The following OLFM3 variants were observed in gnomAD, a reference collection of about 807,000 sequenced individuals.
The protein encoded by OLFM3 is noelin-3.
OLFM3 carries 20 observed loss-of-function variants against 48.6 expected under a neutral mutation model. The ratio of observed to expected loss-of-function variants is 0.41; its 90% CI spans 0.29 to 0.60. OLFM3 has a LOEUF of 0.60. Among genes scored for constraint, OLFM3 ranks in the 20% least tolerant of loss-of-function variants. OLFM3 has a pLI of 0.28. For missense variants in OLFM3, 437 were observed against 544.3 expected (o/e 0.80, Z 1.96); for synonymous variants, 222 against 198.1 (o/e 1.12, Z -1.01).
intron 1 of OLFM3, among the ~76,000 whole-genome samples, chr1:101,986,318 G>C (rs566186044): frequency 6.6e-6 from 1 of 152,118 alleles, no homozygotes; most frequent in South Asian, 2.1e-4. Flanking sequence ...CCTACCAAAA[G>C]TATAAGAGCA....
chr1:101,839,360 G>A (rs1655595364), intron 1 of OLFM3, among the ~76,000 whole-genome samples: 3 of 152,092 alleles, frequency 2.0e-5, no homozygotes, highest in Admixed American at 6.6e-5. Context: ...TTTTTAAAAT[G>A]CAGACTACCC....
intron 1 of OLFM3, among the ~76,000 whole-genome samples, chr1:101,883,427 T>C (rs1270175931): frequency 6.6e-6 from 1 of 151,700 alleles, no homozygotes; most frequent in East Asian, 1.9e-4. Context: ...AATATAGTCA[T>C]AAAATATTTC....
At chr1:101,956,830 A>G (rs887479478) in intron 1 of OLFM3, among the ~76,000 whole-genome samples, 8 of 152,050 alleles carry the variant, frequency 5.3e-5, no homozygotes, top group African/African-American at 1.9e-4. Flanking sequence ...GAGAGATGGT[A>G]TCTTTTGCAT....
chr1:101,955,325 G>C (rs1416003136), intron 1 of OLFM3, among the ~76,000 whole-genome samples: 1 of 151,840 alleles, frequency 6.6e-6, no homozygotes, highest in Non-Finnish European at 1.5e-5. Flanking sequence ...ATCACTCTGG[G>C]CTATTCTTAC....
chr1:101,991,020 T>A (rs201190286), intron 1 of OLFM3, among the ~76,000 whole-genome samples: 5,790 of 50,248 alleles, frequency 0.12, 302 homozygotes, highest in Non-Finnish European at 0.17. Context: ...AAAAAAAATA[T>A]ATATATATAT....
intron 1 of OLFM3, among the ~76,000 whole-genome samples, chr1:101,938,906 G>A (rs554797071): frequency 5.6e-4 from 85 of 152,240 alleles, no homozygotes; most frequent in African/African-American, 1.9e-3. Flanking sequence ...TCTCTATCTA[G>A]GGCAAATTTC....
rs1057360482 is a variant in OLFM3, at chr1:101,988,114, A to T, written c.69+8634T>A. 2.6e-5 allele frequency among the ~76,000 whole-genome samples: 4 copies of T among 152,234 alleles called. No individual in the cohort carries two copies. The East Asian group carries it at 7.7e-4, about 29-fold the overall frequency. On this transcript the variant is annotated intron_variant, in intron 1 of 5. Transcript: ENST00000370103. Reference sequence around the variant, plus strand: ...GTGTATATACTAAGATAATAATTTAAACAGAACCTTTAGATACTTAAAAAA... The same window carrying T: ...GTGTATATACTAAGATAATAATTTATACAGAACCTTTAGATACTTAAAAAA...
At chr1:101,881,426 T>G (rs1227833601) in intron 1 of OLFM3, among the ~76,000 whole-genome samples, 1 of 151,854 alleles carries the variant, frequency 6.6e-6, no homozygotes, top group African/African-American at 2.4e-5. Context: ...ACCAGAGTAC[T>G]CTTACTGCCT....
chr1:101,817,304 C>T (rs1241962631), intron 4 of OLFM3, among the ~76,000 whole-genome samples: 2 of 152,114 alleles, frequency 1.3e-5, no homozygotes, highest in East Asian at 3.9e-4. Context: ...TGATTTTCTC[C>T]TGCTATGCTC....
At chr1:101,948,765 A>C (rs563858151) in intron 1 of OLFM3, among the ~76,000 whole-genome samples, 173 of 151,358 alleles carry the variant, frequency 1.1e-3, no homozygotes, top group Non-Finnish European at 1.6e-3. Context: ...GTAAATACTG[A>C]TTTCATATCT....
At chr1:101,989,961 G>T (rs1661354155) in intron 1 of OLFM3, among the ~76,000 whole-genome samples, 1 of 152,052 alleles carries the variant, frequency 6.6e-6, no homozygotes, top group African/African-American at 2.4e-5. Flanking sequence ...CATTATCATA[G>T]TTTGTGAAGA....
At chr1:101,964,268 C>T (rs899072461) in intron 1 of OLFM3, among the ~76,000 whole-genome samples, 2 of 151,988 alleles carry the variant, frequency 1.3e-5, no homozygotes, top group East Asian at 1.9e-4. Flanking sequence ...TGTTGGGAAA[C>T]GTTGAATATT....
At chr1:101,886,689 T>A (rs1028369663) in intron 1 of OLFM3, among the ~76,000 whole-genome samples, 2 of 152,080 alleles carry the variant, frequency 1.3e-5, no homozygotes, top group Non-Finnish European at 1.5e-5. Context: ...TGAAACCACG[T>A]AGCTGAGGCC....
At chr1:101,841,178 A>G (rs1374582718) in intron 1 of OLFM3, among the ~76,000 whole-genome samples, 3 of 152,184 alleles carry the variant, frequency 2.0e-5, no homozygotes, top group Non-Finnish European at 4.4e-5. Flanking sequence ...TTGACAAGTA[A>G]AAGTAAAAAA....
At chr1:101,823,252 G>A (rs1038415567) in intron 4 of OLFM3, among the ~76,000 whole-genome samples, 1 of 152,018 alleles carries the variant, frequency 6.6e-6, no homozygotes, top group Non-Finnish European at 1.5e-5. Flanking sequence ...AACAAGAGAA[G>A]TCCAATCATT....
intron 1 of OLFM3, among the ~76,000 whole-genome samples, chr1:101,866,692 C>T (rs1294156904): frequency 2.6e-5 from 4 of 152,066 alleles, no homozygotes; most frequent in African/African-American, 9.7e-5. Context: ...TTTACATATG[C>T]ATTCTACATA....
At position 101,818,120 on chromosome 1, in the gene OLFM3, C is replaced by T. The variant is rs1018342789; in HGVS notation, c.592+6906G>A. ...AAACTCCCTTGACTCTTCCTTTTAC[C>T]TTTTCTGGGATTAAGCCTAATTATG... On this transcript the variant is annotated intron_variant, in intron 4 of 5. Coordinates refer to ENST00000370103, the MANE Select transcript of OLFM3 (RefSeq NM_058170.4). Among the ~76,000 whole-genome samples, 3 of 152,104 alleles carry T rather than the reference C, an allele frequency of 2.0e-5. No homozygotes were observed. The East Asian group carries it at 5.8e-4, about 29-fold the overall frequency.
At chr1:101,907,422 C>A (rs1420640925) in intron 1 of OLFM3, among the ~76,000 whole-genome samples, 1 of 152,184 alleles carries the variant, frequency 6.6e-6, no homozygotes, top group Non-Finnish European at 1.5e-5. Context: ...TGCCTCACTC[C>A]TGCTGACAGC....
intron 1 of OLFM3, among the ~76,000 whole-genome samples, chr1:101,922,479 C>T (rs1659128651): frequency 6.6e-6 from 1 of 152,084 alleles, no homozygotes; most frequent in Non-Finnish European, 1.5e-5. Context: ...AATAGCATCT[C>T]CCTGATTCTA....
Sources: gnomAD v4.1 joint callset for allele counts (sites outside exome capture counted in the v4.1 genomes callset) on GRCh38, gnomAD v4.1.1 for gene constraint, MANE v1.5 for transcripts, NCBI Gene and HGNC (gene_info 2026-07-23, HGNC 2026-07-21) for gene names.